Variants in FCHSD2 observed in about 807,000 individuals in gnomAD.
The protein encoded by FCHSD2 is F-BAR and double SH3 domains protein 2.
FCHSD2 carries 38 observed loss-of-function variants against 108.1 expected under a neutral mutation model. The ratio of observed to expected loss-of-function variants is 0.35; its 90% CI spans 0.27 to 0.46. The LOEUF (loss-of-function observed/expected upper bound fraction) is 0.46. FCHSD2 is among the 20% of genes least tolerant of loss of function. FCHSD2 has a pLI of 1.00. For synonymous variants in FCHSD2, 279 were observed against 314.7 expected, an observed-to-expected ratio of 0.89 and a Z score of 1.20; for missense variants, 751 against 897.8, an observed-to-expected ratio of 0.84 and a Z score of 2.09.
intron 9 of FCHSD2, 37 bp downstream of exon 9, chr11:72,921,791 T>C: frequency 6.4e-7 from 1 of 1,569,532 alleles, no homozygotes; most frequent in Non-Finnish European, 8.7e-7. Context: ...AGCTTCTAAG[T>C]TGGATAACAC....
chr11:72,884,281 T>C (rs779312911), intron 12 of FCHSD2, among the ~76,000 whole-genome samples: 1 of 152,052 alleles, frequency 6.6e-6, no homozygotes, highest in Non-Finnish European at 1.5e-5. Context: ...AAAGCCAGTA[T>C]TGCAAAATAT....
At chr11:72,850,108 G>A (rs1376546361) in intron 13 of FCHSD2, among the ~76,000 whole-genome samples, 4 of 125,386 alleles carry the variant, frequency 3.2e-5, no homozygotes, top group African/African-American at 1.2e-4. Flanking sequence ...TTGTCACCCC[G>A]GCTGGACTGC....
At position 72,842,810 on chromosome 11, in the gene FCHSD2, CTCATAA is replaced by C; in HGVS notation, c.1731_1736del (p.Asp577_Tyr578del). The C allele has an allele frequency of 1.2e-6, 2 of 1,613,900 alleles. No homozygotes were observed. The highest frequency in any genetic ancestry group is 1.7e-6 in the Non-Finnish European group (2 of 1,179,852). ...AAGATAACTCATCATCTGTCTGGCC[CTCATAA>C]TCATAAAGTGCTTTCACAAAACATA... On this transcript the variant is annotated inframe_deletion, in exon 17 of 20. Transcript: ENST00000409418.
intron 8 of FCHSD2, among the ~76,000 whole-genome samples, chr11:72,928,259 T>C (rs979664630): frequency 6.6e-6 from 1 of 152,092 alleles, no homozygotes; most frequent in Non-Finnish European, 1.5e-5. Flanking sequence ...TTCCACAAAA[T>C]TTTTTTCAAT....
chr11:72,987,460 G>A (rs147920406), intron 6 of FCHSD2, among the ~76,000 whole-genome samples: 1 of 152,230 alleles, frequency 6.6e-6, no homozygotes, highest in East Asian at 1.9e-4. Flanking sequence ...AATTCCTTGA[G>A]GGCACAAAGC....
Position 73,094,065 on chromosome 11 carries a change from G to T in FCHSD2, c.120-10325C>A, listed in dbSNP as rs1432600619. On this transcript the variant is annotated intron_variant, in intron 2 of 19. Transcript: ENST00000409418. ...GTCTCTACTAAAAATACAAAACTTA[G>T]CCAGGTGTGGTGGCGCACATCTGTA... 5.3e-5 allele frequency among the ~76,000 whole-genome samples: 8 copies of T among 152,236 alleles called. No individual in the cohort carries two copies. The East Asian group carries it at 1.4e-3, about 26-fold the overall frequency.
At chr11:72,991,069 G>GAATACTAT (rs1420229999) in intron 5 of FCHSD2, among the ~76,000 whole-genome samples, 2 of 152,160 alleles carry the variant, frequency 1.3e-5, no homozygotes, top group Non-Finnish European at 2.9e-5. Context: ...TACCATCAGA[G>GAATACTAT]AATACTATAA....
intron 2 of FCHSD2, among the ~76,000 whole-genome samples, chr11:73,111,083 G>A (rs1860473187): frequency 6.6e-6 from 1 of 151,948 alleles, no homozygotes; most frequent in Non-Finnish European, 1.5e-5. Flanking sequence ...GACTTGCTTT[G>A]TCACCTGACA....
At chr11:72,989,951 G>T (rs1431052364) in intron 5 of FCHSD2, among the ~76,000 whole-genome samples, 1 of 152,210 alleles carries the variant, frequency 6.6e-6, no homozygotes, top group Non-Finnish European at 1.5e-5. Context: ...AGGGTGAATA[G>T]TGTGGAGGAG....
rs1289256547 is a variant in FCHSD2, at chr11:72,872,859, G to A, written c.1147-4833C>T. Among the ~76,000 whole-genome samples the A allele has an allele frequency of 4.6e-5, 7 of 152,134 alleles. No homozygotes were observed. The South Asian group carries it at 8.3e-4, about 18-fold the overall frequency. ...GTAATGCTAAGTTTAACCATCTGGG[G>A]AAATACTAGACTGTTTTTCAACGTG... On this transcript the variant is annotated intron_variant, in intron 12 of 19. Coordinates refer to ENST00000409418, the MANE Select transcript of FCHSD2 (RefSeq NM_014824.3).
chr11:72,902,456 TTCTG>T (rs1855545534), intron 10 of FCHSD2, 83 bp downstream of exon 10: 3 of 814,670 alleles, frequency 3.7e-6, no homozygotes, highest in Non-Finnish European at 5.9e-6. Context: ...ACTCAGCTTT[TTCTG>T]TCTGTCTATG....
At chr11:72,889,539 A>G (rs1352039906) in intron 11 of FCHSD2, among the ~76,000 whole-genome samples, 1 of 152,070 alleles carries the variant, frequency 6.6e-6, no homozygotes, top group Non-Finnish European at 1.5e-5. Flanking sequence ...GCAAGACCCT[A>G]TCTCTACAAA....
intron 7 of FCHSD2, among the ~76,000 whole-genome samples, chr11:72,984,813 C>T (rs1857281174): frequency 6.6e-6 from 1 of 152,184 alleles, no homozygotes; most frequent in Non-Finnish European, 1.5e-5. Flanking sequence ...CTAAAGACAA[C>T]AGGCTGCCTA....
At chr11:73,007,096 T>G (rs1857757319) in intron 4 of FCHSD2, among the ~76,000 whole-genome samples, 1 of 152,228 alleles carries the variant, frequency 6.6e-6, no homozygotes, top group Non-Finnish European at 1.5e-5. Flanking sequence ...TTTCTTATCA[T>G]TTTTGTTAAA....
At chr11:73,081,733 T>C (rs1859691778) in intron 3 of FCHSD2, among the ~76,000 whole-genome samples, 1 of 152,056 alleles carries the variant, frequency 6.6e-6, no homozygotes, top group African/African-American at 2.4e-5. Flanking sequence ...TTTATAAATA[T>C]ATATGTAGTG....
At chr11:73,128,285 T>C (rs1860906883) in intron 2 of FCHSD2, among the ~76,000 whole-genome samples, 1 of 152,134 alleles carries the variant, frequency 6.6e-6, no homozygotes, top group African/African-American at 2.4e-5. Flanking sequence ...TCCAATGCAT[T>C]TTTTAATACT....
rs529921261 is a variant in FCHSD2, at chr11:73,138,162, A to G, written c.119+1869T>C. On this transcript the variant is annotated intron_variant, in intron 2 of 19. Transcript: ENST00000409418. Reference sequence around the variant, plus strand: ...AGCTTAGATGTGTGCCACATCTCATATGTATTGTCATTTGATCAATACAAC... The same window carrying G: ...AGCTTAGATGTGTGCCACATCTCATGTGTATTGTCATTTGATCAATACAAC... Among the ~76,000 whole-genome samples the G allele has an allele frequency of 3.2e-4, 48 of 152,334 alleles. No homozygotes were observed. In the South Asian group the frequency reaches 9.9e-3, roughly 32 times the overall value.
intron 9 of FCHSD2, among the ~76,000 whole-genome samples, chr11:72,916,968 C>CTTGTTTTT (rs1855886193): frequency 8.4e-6 from 1 of 118,800 alleles, no homozygotes; most frequent in African/African-American, 3.3e-5. Flanking sequence ...GAACTTCATT[C>CTTGTTTTT]TTTTTTTTTT....
At chr11:72,912,577 T>C (rs1855785851) in intron 9 of FCHSD2, among the ~76,000 whole-genome samples, 1 of 152,216 alleles carries the variant, frequency 6.6e-6, no homozygotes, top group Non-Finnish European at 1.5e-5. Flanking sequence ...TACTGGCTTG[T>C]AGTTTTTATT....
Sources: allele counts gnomAD v4.1 joint callset (sites outside exome capture counted in the v4.1 genomes callset), GRCh38; gene constraint gnomAD v4.1.1; transcripts MANE v1.5; gene names NCBI Gene and HGNC (gene_info 2026-07-23, HGNC 2026-07-21).